The following CSMD1 variants were observed in gnomAD, a reference collection of about 807,000 sequenced individuals.
The protein encoded by CSMD1 is CUB and Sushi multiple domains 1.
A neutral mutation model predicts 417.5 loss-of-function variants in CSMD1; 213 were observed. The observed-to-expected ratio is 0.51, with a 90% confidence interval of 0.46 to 0.57. The LOEUF is 0.57. Ranked by LOEUF, CSMD1 falls within the 20% of genes least tolerant of loss-of-function variation. The probability of loss-of-function intolerance (pLI) is 0.00; values close to 1 mark genes in which losing one functional copy is unlikely to be tolerated. For missense variants in CSMD1, 6,923 were observed against 4,529.7 expected, an observed-to-expected ratio of 1.53 and a Z score of -15.17; for synonymous variants, 2,862 against 1,736.8, an observed-to-expected ratio of 1.65 and a Z score of -16.11.
chr8:4,411,376 C>G (rs183593944), intron 3 of CSMD1, among the ~76,000 whole-genome samples: 1 of 152,062 alleles, frequency 6.6e-6, no homozygotes, highest in Non-Finnish European at 1.5e-5. Flanking sequence ...AAAAAAAAAT[C>G]AGCCACAGTG....
At chr8:3,408,549 G>A (rs924916731) in intron 13 of CSMD1, among the ~76,000 whole-genome samples, 2 of 151,312 alleles carry the variant, frequency 1.3e-5, no homozygotes, top group South Asian at 2.1e-4. Context: ...CTTCAGAAGA[G>A]CAAATATTAA....
At chr8:4,135,410 G>C (rs1407372805) in intron 3 of CSMD1, among the ~76,000 whole-genome samples, 4 of 129,812 alleles carry the variant, frequency 3.1e-5, no homozygotes, top group East Asian at 5.0e-4. Context: ...AAGAGGGAAA[G>C]AGGGGGAAGG....
intron 1 of CSMD1, among the ~76,000 whole-genome samples, chr8:4,925,135 T>C (rs1400284645): frequency 1.3e-5 from 2 of 150,610 alleles, no homozygotes; most frequent in Non-Finnish European, 3.0e-5. Context: ...GAATGTTTAG[T>C]CCCTGAGCAG....
chr8:3,300,958 C>CAAAAAAAAAAAAAAAAAAAAAA (rs374180480), intron 25 of CSMD1, among the ~76,000 whole-genome samples: 1 of 50,602 alleles, frequency 2.0e-5, no homozygotes. Context: ...GACTCTGTCT[C>CAAAAAAAAAAAAAAAAAAAAAA]AAAAAAAAAA....
At chr8:3,950,401 A>G (rs1440488502) in intron 5 of CSMD1, among the ~76,000 whole-genome samples, 2 of 152,206 alleles carry the variant, frequency 1.3e-5, no homozygotes, top group Non-Finnish European at 2.9e-5. Flanking sequence ...CAATCGGCCT[A>G]CGGGTCAATG....
At chr8:3,470,600 C>T (rs1253672129) in intron 11 of CSMD1, among the ~76,000 whole-genome samples, 1 of 152,124 alleles carries the variant, frequency 6.6e-6, no homozygotes, top group Non-Finnish European at 1.5e-5. Context: ...AATCCACCGC[C>T]ATAGTCAATG....
intron 1 of CSMD1, among the ~76,000 whole-genome samples, chr8:4,939,645 A>G (rs62488195): frequency 0.23 from 35,501 of 151,794 alleles, 4,307 homozygotes; most frequent in East Asian, 0.38. Context: ...GCTGGGGGTG[A>G]GTGGGAAGGA....
chr8:3,522,491 A>C (rs1476911713), intron 10 of CSMD1, among the ~76,000 whole-genome samples: 1 of 152,210 alleles, frequency 6.6e-6, no homozygotes, highest in Non-Finnish European at 1.5e-5. Context: ...ACAATTTACA[A>C]AATATTTTGT....
At chr8:4,076,185 T>G (rs751662899) in intron 3 of CSMD1, among the ~76,000 whole-genome samples, 4 of 152,242 alleles carry the variant, frequency 2.6e-5, no homozygotes, top group Admixed American at 6.5e-5. Context: ...CGACAGTGAG[T>G]GAGTTCTCAC....
intron 3 of CSMD1, among the ~76,000 whole-genome samples, chr8:4,325,063 C>A (rs945810364): frequency 6.6e-6 from 1 of 152,086 alleles, no homozygotes; most frequent in Non-Finnish European, 1.5e-5. Flanking sequence ...AGTTACGCAT[C>A]CAGTGGAGCC....
chr8:4,365,201 T>A (rs377350781), intron 3 of CSMD1, among the ~76,000 whole-genome samples: 1 of 152,202 alleles, frequency 6.6e-6, no homozygotes, highest in Non-Finnish European at 1.5e-5. Flanking sequence ...ATTTGCACCT[T>A]GTCTATATAT....
chr8:3,971,201 G>A (rs920739719), intron 5 of CSMD1, among the ~76,000 whole-genome samples: 3 of 152,068 alleles, frequency 2.0e-5, no homozygotes, highest in East Asian at 1.9e-4. Flanking sequence ...TGTCCTCTTC[G>A]TGTTCAGAGG....
At chr8:4,357,789 G>A (rs1363837065) in intron 3 of CSMD1, among the ~76,000 whole-genome samples, 1 of 152,108 alleles carries the variant, frequency 6.6e-6, no homozygotes, top group African/African-American at 2.4e-5. Context: ...GGAGGATGGG[G>A]AGACAGAGGA....
chr8:4,868,927 G>A (rs1459099179), intron 1 of CSMD1, among the ~76,000 whole-genome samples: 2 of 151,918 alleles, frequency 1.3e-5, no homozygotes, highest in African/African-American at 4.8e-5. Context: ...ACTCATATGT[G>A]TGTAGTTATA....
At chr8:3,626,482 T>C (rs1188113406) in intron 7 of CSMD1, among the ~76,000 whole-genome samples, 1 of 152,146 alleles carries the variant, frequency 6.6e-6, no homozygotes, top group Admixed American at 6.5e-5. Context: ...AAAGTCGTTA[T>C]ATATTTTAGA....
At chr8:3,270,216 A>AT (rs1032797774) in intron 26 of CSMD1, among the ~76,000 whole-genome samples, 1 of 151,750 alleles carries the variant, frequency 6.6e-6, no homozygotes, top group African/African-American at 2.4e-5. Flanking sequence ...TGCCTTGCTA[A>AT]TTTTTTTATC....
chr8:4,941,060 C>A (rs1280286588), intron 1 of CSMD1, among the ~76,000 whole-genome samples: 1 of 152,148 alleles, frequency 6.6e-6, no homozygotes, highest in Non-Finnish European at 1.5e-5. Context: ...TTTTTGTAAT[C>A]TGACAGATAA....
At chr8:4,580,558 C>A (rs1035529153) in intron 2 of CSMD1, among the ~76,000 whole-genome samples, 1 of 152,130 alleles carries the variant, frequency 6.6e-6, no homozygotes, top group Non-Finnish European at 1.5e-5. Flanking sequence ...CCATGTCGGG[C>A]GTCTCATGAG....
At chr8:4,910,437 G>A (rs567841824) in intron 1 of CSMD1, among the ~76,000 whole-genome samples, 1 of 152,174 alleles carries the variant, frequency 6.6e-6, no homozygotes, top group African/African-American at 2.4e-5. Context: ...GAGAAGTCCA[G>A]GATCAAGTTA....
Sources: allele counts gnomAD v4.1 joint callset (sites outside exome capture counted in the v4.1 genomes callset), GRCh38; gene constraint gnomAD v4.1.1; transcripts MANE v1.5; gene names NCBI Gene and HGNC (gene_info 2026-07-23, HGNC 2026-07-21).